CNTN6: variants seen among roughly 807,000 people sequenced by gnomAD.
CNTN6 encodes contactin 6.
In CNTN6, 137 loss-of-function variants were observed where a neutral mutation model predicts 122.8. The ratio of observed to expected loss-of-function variants is 1.12; its 90% CI spans 0.97 to 1.29. The LOEUF (loss-of-function observed/expected upper bound fraction) is 1.29. Among genes scored for constraint, CNTN6 ranks in the 50% most tolerant of loss-of-function variants. The pLI is 0.00. For missense variants in CNTN6, 1,634 were observed against 1,223.4 expected (o/e 1.34, Z -5.01); for synonymous variants, 570 against 426.0 (o/e 1.34, Z -4.16).
At chr3:1,290,934 G>A (rs1474385697) in intron 5 of CNTN6, among the ~76,000 whole-genome samples, 1 of 152,034 alleles carries the variant, frequency 6.6e-6, no homozygotes, top group Non-Finnish European at 1.5e-5. Context: ...ATCTTGTGCT[G>A]ACCTCCTATC....
At chr3:1,272,092 C>T (rs1440488068) in intron 4 of CNTN6, among the ~76,000 whole-genome samples, 1 of 152,224 alleles carries the variant, frequency 6.6e-6, no homozygotes, top group African/African-American at 2.4e-5. Context: ...CATACACTGT[C>T]TTGCCTGCCG....
At chr3:1,158,112 T>C (rs1377370092) in intron 2 of CNTN6, among the ~76,000 whole-genome samples, 5 of 152,200 alleles carry the variant, frequency 3.3e-5, no homozygotes, top group Non-Finnish European at 7.3e-5. Context: ...CCCAAAACTG[T>C]TGTTGATAGT....
intron 5 of CNTN6, among the ~76,000 whole-genome samples, chr3:1,286,203 T>C (rs1694306677): frequency 6.6e-6 from 1 of 152,220 alleles, no homozygotes; most frequent in South Asian, 2.1e-4. Context: ...TTTTTTTCTC[T>C]TTTTATTATC....
In CNTN6 at chr3:1,116,046, A is replaced by G. The variant is rs148235449; in HGVS notation, c.-83+22926A>G. ...ACAGAGGACACCTTCAGCAAATATG[A>G]GAGTAAAATAAAAATCCTTTTTGTA... On this transcript the variant is annotated intron_variant, in intron 1 of 22. Transcript: ENST00000446702. Among the ~76,000 whole-genome samples, 464 of 152,304 alleles carry G rather than the reference A, an allele frequency of 3.0e-3. 2 individuals are homozygous for G. Among genetic ancestry groups the G allele is most frequent in the African/African-American group, 0.011 (444 of 41,574 alleles).
chr3:1,136,765 G>C (rs917186176), intron 1 of CNTN6, among the ~76,000 whole-genome samples: 2 of 151,980 alleles, frequency 1.3e-5, no homozygotes, highest in African/African-American at 4.8e-5. Flanking sequence ...ATTGGCCATC[G>C]GGATGAAAAA....
chr3:1,275,415 T>C (rs1369260519), intron 4 of CNTN6, among the ~76,000 whole-genome samples: 1 of 152,200 alleles, frequency 6.6e-6, no homozygotes, highest in East Asian at 1.9e-4. Flanking sequence ...GTTTTGTCTT[T>C]TATGTTCACG....
At chr3:1,368,802 AATTTT>A (rs1319120313) in intron 12 of CNTN6, among the ~76,000 whole-genome samples, 5 of 152,256 alleles carry the variant, frequency 3.3e-5, no homozygotes, top group South Asian at 2.1e-4. Flanking sequence ...ATCATACCCT[AATTTT>A]ATTTTATAAG....
chr3:1,395,719 G>A (rs1694903899), intron 20 of CNTN6, among the ~76,000 whole-genome samples: 1 of 152,144 alleles, frequency 6.6e-6, no homozygotes, highest in Non-Finnish European at 1.5e-5. Flanking sequence ...TGGAGATTAG[G>A]ATGTGATCAT....
intron 2 of CNTN6, among the ~76,000 whole-genome samples, chr3:1,189,818 C>G (rs911594256): frequency 2.0e-5 from 3 of 152,196 alleles, no homozygotes; most frequent in African/African-American, 7.2e-5. Flanking sequence ...TATAAAGTGA[C>G]TCTCCTCCAC....
intron 20 of CNTN6, among the ~76,000 whole-genome samples, chr3:1,388,327 G>T (rs7626439): frequency 0.47 from 61,730 of 132,310 alleles, 16,655 homozygotes; most frequent in East Asian, 0.91. Context: ...GGCAGGGTAT[G>T]CCAACAGACC....
intron 4 of CNTN6, among the ~76,000 whole-genome samples, chr3:1,267,515 C>A: frequency 6.6e-6 from 1 of 151,962 alleles, no homozygotes; most frequent in East Asian, 1.9e-4. Flanking sequence ...ACCAGGAAGC[C>A]CCTCTCACGG....
chr3:1,260,416 T>C (rs1441883330), intron 4 of CNTN6, among the ~76,000 whole-genome samples: 3 of 152,048 alleles, frequency 2.0e-5, no homozygotes, highest in East Asian at 1.9e-4. Context: ...GTCCCAAAGA[T>C]AGATTCAGGG....
At chr3:1,280,168 T>C (rs1326166846) in intron 5 of CNTN6, among the ~76,000 whole-genome samples, 6 of 152,304 alleles carry the variant, frequency 3.9e-5, no homozygotes, top group African/African-American at 9.6e-5. Context: ...CTTTGTTTAA[T>C]CGGGAATAAA....
intron 6 of CNTN6, 138 bp downstream of exon 6, chr3:1,295,942 C>T (rs1696154369): frequency 1.0e-5 from 7 of 697,036 alleles, no homozygotes; most frequent in Non-Finnish European, 1.7e-5. Flanking sequence ...ATATGTAAAC[C>T]AGAAATATAA....
intron 19 of CNTN6, among the ~76,000 whole-genome samples, chr3:1,384,740 CATATATACACAT>C (rs2126188396): frequency 9.4e-6 from 1 of 106,008 alleles, no homozygotes; most frequent in South Asian, 2.7e-4. Flanking sequence ...CATATATATA[CATATATACACAT>C]ATATATACAT....
Position 1,352,334 on chromosome 3 carries a change from T to C in CNTN6, c.1375T>C (p.Leu459=). ...GTATTTTCTTTTTAGAATATTTCTCTTGGAGGATGGCAGCCTCAAGATATA... is the reference window on the plus strand; with the variant it reads ...GTATTTTCTTTTTAGAATATTTCTCCTGGAGGATGGCAGCCTCAAGATATA... ...TLRQSKRIFL[L]EDGSLKIYNI... The change falls in exon 12 of 23, where the codon TTG becomes CTG. Residue 459 remains leucine, a synonymous_variant. Coordinates refer to ENST00000446702, the MANE Select transcript of CNTN6 (RefSeq NM_001289080.2). 3.3e-6 allele frequency: 5 copies of C among 1,529,018 alleles called. No homozygotes were observed. Among genetic ancestry groups the C allele is most frequent in the South Asian group, 2.5e-5 (2 of 81,298 alleles). The allele number at this position is 1,529,018 out of a possible 1,614,324, so 94.7% of individuals were successfully genotyped here. A position where few individuals can be genotyped will look rare whatever the true frequency, so the allele number is the denominator to read the frequency against.
chr3:1,263,497 C>T (rs535111219), intron 4 of CNTN6, among the ~76,000 whole-genome samples: 9 of 152,216 alleles, frequency 5.9e-5, no homozygotes, highest in East Asian at 1.9e-4. Context: ...CGAGTTCATT[C>T]GGGGCCGTTT....
chr3:1,218,195 C>T (rs2094154615), intron 2 of CNTN6, among the ~76,000 whole-genome samples: 1 of 151,892 alleles, frequency 6.6e-6, no homozygotes, highest in Non-Finnish European at 1.5e-5. Flanking sequence ...GGTGGGGTGG[C>T]CTGGCAGAGG....
chr3:1,306,468 GCTCAACCTAGCA>G (rs1698373388), intron 7 of CNTN6, among the ~76,000 whole-genome samples: 1 of 152,034 alleles, frequency 6.6e-6, no homozygotes, highest in South Asian at 2.1e-4. Flanking sequence ...ATAAACAAGC[GCTCAACCTAGCA>G]ATAAATAATT....
Sources: gnomAD v4.1 joint callset for allele counts (sites outside exome capture counted in the v4.1 genomes callset) on GRCh38, gnomAD v4.1.1 for gene constraint, MANE v1.5 for transcripts, NCBI Gene and HGNC (gene_info 2026-07-23, HGNC 2026-07-21) for gene names.